The following PCDHA2 variants were observed in gnomAD, a reference collection of about 807,000 sequenced individuals.
PCDHA2 encodes the protein protocadherin alpha-2.
A neutral mutation model predicts 66.0 loss-of-function variants in PCDHA2; 58 were observed. That is an observed-to-expected ratio of 0.88 (90% CI 0.71 to 1.09). The LOEUF (loss-of-function observed/expected upper bound fraction) is 1.09. Among genes scored for constraint, PCDHA2 ranks in the 50% least tolerant of loss-of-function variants. The probability of loss-of-function intolerance (pLI) is 0.00; values close to 1 mark genes in which losing one functional copy is unlikely to be tolerated. For synonymous variants in PCDHA2, 634 were observed against 554.0 expected (o/e 1.14, Z -2.03); for missense variants, 1,267 against 1,242.3 (o/e 1.02, Z -0.30).
At chr5:140,892,236 C>T (rs1490048562) in intron 1 of PCDHA2, among the ~76,000 whole-genome samples, 3 of 152,140 alleles carry the variant, frequency 2.0e-5, no homozygotes, top group African/African-American at 7.2e-5. Context: ...TTTGTCTCCA[C>T]ATAAACCTGG....
intron 1 of PCDHA2, chr5:140,834,269 A>C: frequency 9.7e-7 from 1 of 1,036,048 alleles, no homozygotes; most frequent in Non-Finnish European, 1.4e-6. Flanking sequence ...ACTCTCTTTC[A>C]CTCTTTGGAT....
At chr5:140,803,285 C>T in intron 1 of PCDHA2, 1 of 1,614,068 alleles carries the variant, frequency 6.2e-7, no homozygotes, top group Non-Finnish European at 8.5e-7. Context: ...TGGTGGATGT[C>T]AACGTGTACT....
rs1770654887 is a variant in PCDHA2, at chr5:140,829,892, T to G, written c.2388+32540T>G. 1 of 1,613,924 alleles carries G rather than the reference T, an allele frequency of 6.2e-7. No individual in the cohort carries two copies. The highest frequency in any genetic ancestry group is 8.5e-7 in the Non-Finnish European group (1 of 1,179,884). On this transcript the variant is annotated intron_variant, in intron 1 of 3. Coordinates refer to ENST00000526136, the MANE Select transcript of PCDHA2 (RefSeq NM_018905.3). The stretch of plus-strand genomic sequence containing the variant: ...GAAGGTGCGCGCAGTTGACGCCGAC[T>G]CAGGCTACAACGCGTGGCTTTCGTA...
rs1554120364 is a variant in PCDHA2 at position 140,797,253 on chromosome 5, C to T, written c.2289C>T (p.Asp763=). ...QRRQRVCSGE[D]PPKTDLMAFS... ...GGCAGAGGGTGTGCTCTGGGGAGGACCCCCCCAAGACGGACCTCATGGCCT... is the reference window on the plus strand; with the variant it reads ...GGCAGAGGGTGTGCTCTGGGGAGGATCCCCCCAAGACGGACCTCATGGCCT... Residue 763 remains aspartate, a synonymous_variant, in exon 1 of 4, where the codon GAC becomes GAT. Transcript: ENST00000526136. 11 of 1,613,860 alleles carry T rather than the reference C, an allele frequency of 6.8e-6. No individual in the cohort carries two copies. Among genetic ancestry groups the T allele is most frequent in the African/African-American group, 4.0e-5 (3 of 74,872 alleles).
intron 1 of PCDHA2, chr5:140,802,594 A>AGAACACCCCGTGAAGGT (rs1762961060): frequency 6.2e-7 from 1 of 1,613,690 alleles, no homozygotes; most frequent in African/African-American, 1.3e-5. Context: ...TTCGTGAAGG[A>AGAACACCCCGTGAAGGT]GAACAACCCG....
At chr5:140,800,940 T>A in intron 1 of PCDHA2, 1 of 1,006,204 alleles carries the variant, frequency 9.9e-7, no homozygotes, top group East Asian at 3.4e-5. Flanking sequence ...TTTGGGAAAG[T>A]TCAAACGACA....
chr5:140,875,438 T>A, intron 1 of PCDHA2: 1 of 1,568,134 alleles, frequency 6.4e-7, no homozygotes, highest in Non-Finnish European at 8.6e-7. Flanking sequence ...CCCTTAAAAC[T>A]GATTGTCCCA....
At chr5:140,877,730 A>C in intron 1 of PCDHA2, 1 of 1,614,146 alleles carries the variant, frequency 6.2e-7, no homozygotes, top group Non-Finnish European at 8.5e-7. Context: ...TACTCGCAGC[A>C]GAGGAGGCAG....
chr5:140,967,009 T>G, intron 1 of PCDHA2: 1 of 1,606,176 alleles, frequency 6.2e-7, no homozygotes, highest in Non-Finnish European at 8.5e-7. Flanking sequence ...GCATCAACCA[T>G]CTGGGTGCGC....
rs1199685974 is a variant in PCDHA2 at position 140,838,075 on chromosome 5, ATAGTGTGTGTGTGTGTGTGTGTGTGT to A, written c.2388+40724_2388+40749del. 9.4e-5 allele frequency among the ~76,000 whole-genome samples: 12 copies of A among 128,240 alleles called. 1 individual carries two copies. The highest frequency in any genetic ancestry group is 6.9e-4 in the East Asian group (3 of 4,320). The allele number at this position is 128,240 out of a possible 152,430, so 84.1% of individuals were successfully genotyped here. ...GTTTTCCACTTTAAGTTATATATAT[ATAGTGTGTGTGTGTGTGTGTGTGTGT>A]GTGTGTGTGTGTGTGTGTGTGTGTG... On this transcript the variant is annotated intron_variant, in intron 1 of 3. Transcript: ENST00000526136.
At chr5:140,904,447 C>T (rs2071139964) in intron 1 of PCDHA2, among the ~76,000 whole-genome samples, 1 of 151,118 alleles carries the variant, frequency 6.6e-6, no homozygotes, top group Non-Finnish European at 1.5e-5. Flanking sequence ...ATTACAATTT[C>T]TTTATACACT....
At chr5:140,986,954 C>T (rs2097219916) in intron 3 of PCDHA2, among the ~76,000 whole-genome samples, 1 of 152,154 alleles carries the variant, frequency 6.6e-6, no homozygotes, top group African/African-American at 2.4e-5. Context: ...TCGCTCATGC[C>T]TGTAATTCCA....
chr5:140,940,073 A>G (rs1197351000), intron 1 of PCDHA2, among the ~76,000 whole-genome samples: 1 of 152,182 alleles, frequency 6.6e-6, no homozygotes, highest in Non-Finnish European at 1.5e-5. Context: ...AATATGTGAT[A>G]TCTTTCTGCT....
chr5:140,885,641 T>G (rs917089389), intron 1 of PCDHA2, among the ~76,000 whole-genome samples: 10 of 152,200 alleles, frequency 6.6e-5, no homozygotes, highest in Admixed American at 6.5e-4. Context: ...GCCTTCCAAG[T>G]ATTTTGGAAC....
intron 1 of PCDHA2, among the ~76,000 whole-genome samples, chr5:140,955,950 C>G (rs2095241045): frequency 6.6e-6 from 1 of 151,920 alleles, no homozygotes; most frequent in African/African-American, 2.4e-5. Flanking sequence ...TGTCTACTTG[C>G]TTGTTGTTTG....
intron 1 of PCDHA2, among the ~76,000 whole-genome samples, chr5:140,821,352 AG>A (rs1766954073): frequency 6.6e-6 from 1 of 152,224 alleles, no homozygotes; most frequent in Non-Finnish European, 1.5e-5. Flanking sequence ...TCATGACTTT[AG>A]ATGTATTTTT....
At chr5:140,890,245 A>G (rs2062563165) in intron 1 of PCDHA2, among the ~76,000 whole-genome samples, 1 of 152,146 alleles carries the variant, frequency 6.6e-6, no homozygotes, top group Admixed American at 6.5e-5. Context: ...TTACCAGTAC[A>G]CTACTGCACC....
At chr5:140,801,368 G>C in intron 1 of PCDHA2, 1 of 1,613,492 alleles carries the variant, frequency 6.2e-7, no homozygotes, top group South Asian at 1.1e-5. Flanking sequence ...TGGAGCTGGC[G>C]GAGCTGGTGC....
chr5:140,873,191 C>T (rs1554166611), intron 1 of PCDHA2, among the ~76,000 whole-genome samples: 1 of 151,960 alleles, frequency 6.6e-6, no homozygotes, highest in African/African-American at 2.4e-5. Context: ...TATTCATTGG[C>T]TAAAAACATT....
Sources: allele counts gnomAD v4.1 joint callset (sites outside exome capture counted in the v4.1 genomes callset), GRCh38; gene constraint gnomAD v4.1.1; transcripts MANE v1.5; gene names NCBI Gene and HGNC (gene_info 2026-07-23, HGNC 2026-07-21).